Variants in MAP3K11 observed in about 807,000 individuals in gnomAD.
The protein encoded by MAP3K11 is mitogen-activated protein kinase kinase kinase 11.
MAP3K11 carries 46 observed loss-of-function variants against 84.9 expected under a neutral mutation model. That is an observed-to-expected ratio of 0.54 (90% confidence interval 0.43 to 0.69). The LOEUF (loss-of-function observed/expected upper bound fraction) is 0.69, where lower values mean the gene tolerates loss of function less well. MAP3K11 is among the 30% of genes least tolerant of loss of function. The probability of loss-of-function intolerance (pLI) is 0.00; values close to 1 mark genes in which losing one functional copy is unlikely to be tolerated. For synonymous variants in MAP3K11, 527 were observed against 514.7 expected, an observed-to-expected ratio of 1.02 and a Z score of -0.32; for missense variants, 1,053 against 1,198.3, an observed-to-expected ratio of 0.88 and a Z score of 1.79.
Position 65,613,003 on chromosome 11 carries a change from C to T in MAP3K11, c.739+15G>A, listed in dbSNP as rs1401969580. The T allele has an allele frequency of 1.3e-6, 2 of 1,516,702 alleles. No individual in the cohort carries two copies. Among genetic ancestry groups the T allele is most frequent in the South Asian group, 1.3e-5 (1 of 75,820 alleles). 94.0% of individuals were successfully genotyped at this position (1,516,702 alleles called of 1,614,324 possible). A position where few individuals can be genotyped will look rare whatever the true frequency, so the allele number is the denominator to read the frequency against. On this transcript the variant is annotated intron_variant, in intron 1 of 9. Coordinates refer to ENST00000309100, the MANE Select transcript of MAP3K11 (RefSeq NM_002419.4). Reference sequence around the variant, plus strand: ...CAGAGCCATGCCACCCCCAACCATGCCCCCAGAAACTCACTGTTGTTGGAC... The same window carrying T: ...CAGAGCCATGCCACCCCCAACCATGTCCCCAGAAACTCACTGTTGTTGGAC...
intron 6 of MAP3K11, 45 bp from the exon 7 acceptor site, chr11:65,606,126 TC>T: frequency 6.5e-7 from 1 of 1,531,652 alleles, no homozygotes; most frequent in Admixed American, 2.3e-5. Context: ...TTATTCTCCC[TC>T]CATCATCACA....
chr11:65,599,340 C>A, intron 9 of MAP3K11, 54 bp downstream of exon 9: 1 of 1,487,686 alleles, frequency 6.7e-7, no homozygotes, highest in East Asian at 2.8e-5. Flanking sequence ...ACTCCTCCCT[C>A]CCTGGGAACC....
In MAP3K11 at chr11:65,605,943, C is replaced by A. The variant is rs1045141095; in HGVS notation, c.1739+3G>T. The A allele has an allele frequency of 1.9e-6, 3 of 1,603,624 alleles. No individual in the cohort carries two copies. Among genetic ancestry groups the A allele is most frequent in the Non-Finnish European group, 2.5e-6 (3 of 1,177,170 alleles). On this transcript the variant is annotated splice_donor_region_variant and intron_variant, in intron 7 of 9. Coordinates refer to ENST00000309100, the MANE Select transcript of MAP3K11 (RefSeq NM_002419.4). ...TGGGTCTGGGGGGCACTCAGGTACT[C>A]ACCTCCCATTCTGGGCTTCCCCAGG...
intron 8 of MAP3K11, among the ~76,000 whole-genome samples, chr11:65,604,729 G>GAA (rs1465091009): frequency 0.036 from 5,506 of 152,216 alleles, 328 homozygotes; most frequent in African/African-American, 0.12. Context: ...CGATGGGCTG[G>GAA]GTGGGATGGG....
intron 9 of MAP3K11, 87 bp from the exon 10 acceptor site, chr11:65,598,715 C>T (rs1259414904): frequency 9.8e-7 from 1 of 1,017,714 alleles, no homozygotes; most frequent in Non-Finnish European, 1.4e-6. Flanking sequence ...GCCTCAGTTT[C>T]CCCATGTGCA....
Position 65,608,367 on chromosome 11 carries a change from C to G in MAP3K11, c.821G>C (p.Trp274Ser), listed in dbSNP as rs1342930087. ...KITDFGLARE[W>S]HKTTQMSAAG... is the part of the protein sequence containing the mutation. ...GGCACTCATTTGTGTGGTTTTGTGCCACTCTCGGGCCAGGCCAAAGTCGGT... is the reference window on the plus strand; with the variant it reads ...GGCACTCATTTGTGTGGTTTTGTGCGACTCTCGGGCCAGGCCAAAGTCGGT... The change falls in exon 2 of 10, where the codon TGG becomes TCG. Residue 274 changes from tryptophan to serine, a missense_variant. Trp to Ser is a radical substitution (Grantham distance 177). Transcript: ENST00000309100. The G allele has an allele frequency of 6.2e-7, 1 of 1,614,230 alleles. No individual in the cohort carries two copies. The highest frequency in any genetic ancestry group is 1.7e-5 in the Admixed American group (1 of 60,030).
chr11:65,607,832 G>A lies in MAP3K11; in HGVS notation c.1070-16C>T, dbSNP rs771825448. 9.9e-6 allele frequency: 16 copies of A among 1,608,206 alleles called. No homozygotes were observed. Among genetic ancestry groups the A allele is most frequent in the Non-Finnish European group, 1.7e-6 (2 of 1,175,906 alleles). ...GCCCAGCAGTCTAGGGGCACGGCGTGCAGCGGGGACAGAATAAGAAGGGGT... is the reference window on the plus strand; with the variant it reads ...GCCCAGCAGTCTAGGGGCACGGCGTACAGCGGGGACAGAATAAGAAGGGGT... On this transcript the variant is annotated splice_polypyrimidine_tract_variant and intron_variant, in intron 3 of 9. Transcript: ENST00000309100.
intron 1 of MAP3K11, chr11:65,609,501 AGAG>A (rs1854548336): frequency 1.3e-5 from 2 of 152,244 alleles, no homozygotes; most frequent in South Asian, 4.1e-4. Flanking sequence ...CTTGGTACAA[AGAG>A]GAGAAGCAGC....
rs1362857459 is a variant in MAP3K11, at chr11:65,598,052, C to T, written c.*239G>A. 2 of 391,776 alleles carry T rather than the reference C, an allele frequency of 5.1e-6. No individual in the cohort carries two copies. Among genetic ancestry groups the T allele is most frequent in the Non-Finnish European group, 9.0e-6 (2 of 221,452 alleles). The allele number at this position is 391,776 out of a possible 1,614,324, so 24.3% of individuals were successfully genotyped here. Reference sequence around the variant, plus strand: ...TCTGGTCCTCCCAACCAGCTGGGTACAGTGTTGGGCCCCAGTAGGGCAGGT... The same window carrying T: ...TCTGGTCCTCCCAACCAGCTGGGTATAGTGTTGGGCCCCAGTAGGGCAGGT... On this transcript the variant is annotated 3_prime_UTR_variant, in exon 10 of 10. Transcript: ENST00000309100.
At chr11:65,599,259 C>T (rs1264902631) in intron 9 of MAP3K11, 135 bp downstream of exon 9, 1 of 1,114,314 alleles carries the variant, frequency 9.0e-7, no homozygotes, top group Non-Finnish European at 1.2e-6. Context: ...TTCAGTACCC[C>T]GAATGCCTGG....
At position 65,613,121 on chromosome 11, in the gene MAP3K11, G is replaced by A. The variant is rs1046291741; in HGVS notation, c.636C>T (p.Pro212=). ...GCACAGCCCAGTTGACCAGCACATG[G>A]GGAGGCACGCGCCGCCCGGCCAGAG... ...SRALAGRRVP[P]HVLVNWAVQI... is the part of the protein sequence containing the mutation. Residue 212 remains proline (P), a synonymous_variant, in exon 1 of 10, where the codon CCC becomes CCT. Coordinates refer to ENST00000309100, the MANE Select transcript of MAP3K11 (RefSeq NM_002419.4). 10 of 1,586,458 alleles carry A rather than the reference G, an allele frequency of 6.3e-6. No individual in the cohort carries two copies. Among genetic ancestry groups the A allele is most frequent in the Non-Finnish European group, 7.7e-6 (9 of 1,166,010 alleles).
chr11:65,613,155 A>C lies in MAP3K11; in HGVS notation c.602T>G (p.Leu201Arg). Residue 201 changes from leucine to arginine, a missense_variant, in exon 1 of 10, where the codon CTC becomes CGC. Leu to Arg is a moderately radical substitution (Grantham distance 102). Coordinates refer to ENST00000309100, the MANE Select transcript of MAP3K11 (RefSeq NM_002419.4). ...LVMEYAAGGP[L>R]SRALAGRRVP... ...GCGCCGCCCGGCCAGAGCTCGGCTGAGGGGCCCACCGGCTGCATACTCCAT... is the reference window on the plus strand; with the variant it reads ...GCGCCGCCCGGCCAGAGCTCGGCTGCGGGGCCCACCGGCTGCATACTCCAT... 6.3e-7 allele frequency: 1 copy of C among 1,592,418 alleles called. No homozygotes were observed. Among genetic ancestry groups the C allele is most frequent in the Non-Finnish European group, 8.6e-7 (1 of 1,168,918 alleles).
In MAP3K11 at chr11:65,599,464, C is replaced by A. The variant is rs747953183; in HGVS notation, c.2136G>T (p.Leu712=). ...CCACAGGGATACCCAGGTCCAGCAACAGGGGTGCAGGAGTGGGCGGGGAGT... is the reference window on the plus strand; with the variant it reads ...CCACAGGGATACCCAGGTCCAGCAAAAGGGGTGCAGGAGTGGGCGGGGAGT... ...TPDSPPTPAP[L]LLDLGIPVGQ... Residue 712 remains leucine (L), a synonymous_variant, in exon 9 of 10, where the codon CTG becomes CTT. Coordinates refer to ENST00000309100, the MANE Select transcript of MAP3K11 (RefSeq NM_002419.4). 6.6e-6 allele frequency: 10 copies of A among 1,515,002 alleles called. No individual in the cohort carries two copies. In the Admixed American group the frequency reaches 1.9e-4, roughly 29 times the overall value. The allele number at this position is 1,515,002 out of a possible 1,614,324, so 93.8% of individuals were successfully genotyped here.
intron 8 of MAP3K11, among the ~76,000 whole-genome samples, chr11:65,605,264 A>T (rs1381832068): frequency 6.6e-6 from 1 of 151,946 alleles, no homozygotes; most frequent in Non-Finnish European, 1.5e-5. Context: ...TGGGTCCTGG[A>T]TCCTGCCTGC....
chr11:65,602,368 G>A (rs572463673), intron 8 of MAP3K11, among the ~76,000 whole-genome samples: 202 of 152,242 alleles, frequency 1.3e-3, no homozygotes, highest in Middle Eastern at 0.01. Flanking sequence ...AAATTAGGCC[G>A]GGCATGGTGG....
intron 1 of MAP3K11, 51 bp downstream of exon 1, chr11:65,612,967 C>T: frequency 6.7e-7 from 1 of 1,498,384 alleles, no homozygotes; most frequent in Admixed American, 2.4e-5. Flanking sequence ...AGGTTGGGAG[C>T]AGGTGTGTAC....
At position 65,613,001 on chromosome 11, in the gene MAP3K11, TGCC is replaced by T. The variant is rs1565146379; in HGVS notation, c.739+14_739+16del. 5 of 1,516,076 alleles carry T rather than the reference TGCC, an allele frequency of 3.3e-6. No homozygotes were observed. Among genetic ancestry groups the T allele is most frequent in the Admixed American group, 4.5e-5 (2 of 44,632 alleles). The allele number at this position is 1,516,076 out of a possible 1,614,324, so 93.9% of individuals were successfully genotyped here. A position where few individuals can be genotyped will look rare whatever the true frequency, so the allele number is the denominator to read the frequency against. On this transcript the variant is annotated intron_variant, in intron 1 of 9. Coordinates refer to ENST00000309100, the MANE Select transcript of MAP3K11 (RefSeq NM_002419.4). ...ACCAGAGCCATGCCACCCCCAACCA[TGCC>T]CCCAGAAACTCACTGTTGTTGGACT...
At chr11:65,607,127 C>T in intron 5 of MAP3K11, 143 bp downstream of exon 5, 2 of 1,185,470 alleles carry the variant, frequency 1.7e-6, no homozygotes, top group Non-Finnish European at 2.2e-6. Flanking sequence ...AAAAAACACT[C>T]CTGGCTCCAC....
intron 8 of MAP3K11, among the ~76,000 whole-genome samples, chr11:65,601,549 G>T (rs1417245827): frequency 6.7e-6 from 1 of 149,796 alleles, no homozygotes; most frequent in African/African-American, 2.5e-5. Context: ...GAGGTCAGGA[G>T]ATCGAGACCA....
Sources: allele counts gnomAD v4.1 joint callset (sites outside exome capture counted in the v4.1 genomes callset), GRCh38; gene constraint gnomAD v4.1.1; transcripts MANE v1.5; gene names NCBI Gene and HGNC (gene_info 2026-07-23, HGNC 2026-07-21).